PLCH1: variants seen among roughly 807,000 people sequenced by gnomAD.
PLCH1 encodes phospholipase C eta 1, also known as 1-phosphatidylinositol 4,5-bisphosphate phosphodiesterase eta-1.
A neutral mutation model predicts 126.7 loss-of-function variants in PLCH1; 60 were observed. That is an observed-to-expected ratio of 0.47 (90% CI 0.38 to 0.59). The LOEUF is 0.59. Among genes scored for constraint, PLCH1 ranks in the 20% least tolerant of loss-of-function variants. The probability of loss-of-function intolerance (pLI) is 0.00; values close to 1 mark genes in which losing one functional copy is unlikely to be tolerated. For missense variants in PLCH1, 1,723 were observed against 2,040.0 expected (o/e 0.84, Z 2.99); for synonymous variants, 719 against 734.9 (o/e 0.98, Z 0.35).
At chr3:155,539,888 T>C (rs1227662387) in intron 10 of PLCH1, among the ~76,000 whole-genome samples, 1 of 151,648 alleles carries the variant, frequency 6.6e-6, no homozygotes, top group African/African-American at 2.4e-5. Context: ...GGAAAAAAAA[T>C]CCTAAAATTC....
intron 2 of PLCH1, among the ~76,000 whole-genome samples, chr3:155,622,517 A>G (rs779853783): frequency 9.2e-5 from 14 of 152,148 alleles, no homozygotes; most frequent in Non-Finnish European, 1.3e-4. Flanking sequence ...CAGGAGACCC[A>G]TCTCACATGC....
chr3:155,740,687 A>G lies in PLCH1; in HGVS notation c.-41+4153T>C, dbSNP rs113284924. Among the ~76,000 whole-genome samples, 9 of 152,140 alleles carry G rather than the reference A, an allele frequency of 5.9e-5. 1 individual carries two copies. The highest frequency in any genetic ancestry group is 2.2e-4 in the African/African-American group (9 of 41,410). On this transcript the variant is annotated intron_variant, in intron 1 of 22. Coordinates refer to ENST00000460012, the MANE Select transcript of PLCH1 (RefSeq NM_014996.4). The stretch of plus-strand genomic sequence containing the variant: ...GCAACATAGTGAGACCTCATGTCTA[A>G]AATTAAAAATCGTATTTAAAAAATA...
chr3:155,684,697 G>A (rs765263635), intron 2 of PLCH1, among the ~76,000 whole-genome samples: 10 of 151,964 alleles, frequency 6.6e-5, no homozygotes, highest in Admixed American at 4.6e-4. Context: ...TGGCTCCTCC[G>A]GTAACAATTT....
intron 10 of PLCH1, among the ~76,000 whole-genome samples, chr3:155,540,515 A>T (rs1022216787): frequency 2.0e-5 from 3 of 152,194 alleles, no homozygotes; most frequent in African/African-American, 7.2e-5. Context: ...TAATATCTAC[A>T]ATCTACAAGG....
rs768535202 is a variant in PLCH1 at position 155,482,475 on chromosome 3, G to A, written c.3551C>T (p.Pro1184Leu). The A allele has an allele frequency of 3.6e-5, 58 of 1,614,018 alleles. No individual in the cohort carries two copies. The East Asian group carries it at 5.8e-4, about 16-fold the overall frequency. Residue 1184 changes from proline (P) to leucine (L), a missense_variant, in exon 23 of 23, where the codon CCG becomes CTG. By Grantham distance (98) the Pro-to-Leu change is moderately conservative. Coordinates refer to ENST00000460012, the MANE Select transcript of PLCH1 (RefSeq NM_014996.4). ...DNVTLTNENE[P>L]GSSISALIGQ... ...AATCAGGGCTGAGATGGAACTGCCC[G>A]GCTCATTCTCATTTGTTAAAGTGAC...
At position 155,583,584 on chromosome 3, in the gene PLCH1, T is replaced by TA; in HGVS notation, c.658dup (p.Tyr220LeufsTer19). The TA allele has an allele frequency of 6.2e-7, 1 of 1,603,752 alleles. No homozygotes were observed. The highest frequency in any genetic ancestry group is 8.5e-7 in the Non-Finnish European group (1 of 1,177,184). ...GTCTCGTCTCAAAGACATCATTTTG[T>TA]AAAAAACACAGAACTCTTCAAATGT... On this transcript the variant is annotated frameshift_variant, in exon 6 of 23. Coordinates refer to ENST00000460012, the MANE Select transcript of PLCH1 (RefSeq NM_014996.4). LOFTEE classifies it high-confidence loss of function.
intron 1 of PLCH1, among the ~76,000 whole-genome samples, chr3:155,727,683 C>T (rs1447313994): frequency 2.0e-5 from 3 of 152,160 alleles, no homozygotes; most frequent in Admixed American, 6.5e-5. Context: ...CCACCGAGCC[C>T]GGCCCAATGT....
intron 15 of PLCH1, among the ~76,000 whole-genome samples, chr3:155,495,736 G>A (rs757154358): frequency 1.3e-5 from 2 of 152,158 alleles, no homozygotes; most frequent in African/African-American, 2.4e-5. Flanking sequence ...TGATACTCCC[G>A]AGTTAGAAGA....
At chr3:155,667,967 C>T (rs1272473041) in intron 2 of PLCH1, among the ~76,000 whole-genome samples, 2 of 148,962 alleles carry the variant, frequency 1.3e-5, no homozygotes, top group African/African-American at 5.0e-5. Context: ...TGCCTGTAAT[C>T]CCAGCTACTC....
intron 2 of PLCH1, among the ~76,000 whole-genome samples, chr3:155,641,594 G>A (rs1211970283): frequency 2.0e-5 from 3 of 152,020 alleles, no homozygotes; most frequent in African/African-American, 7.2e-5. Flanking sequence ...AGTAGAATTG[G>A]AATGTTCCTA....
At chr3:155,518,667 C>T (rs1283315822) in intron 11 of PLCH1, among the ~76,000 whole-genome samples, 3 of 152,124 alleles carry the variant, frequency 2.0e-5, no homozygotes, top group East Asian at 1.9e-4. Context: ...AAGAACTCCA[C>T]GTCTCTAACC....
chr3:155,496,727 G>C (rs1340663266), intron 15 of PLCH1, among the ~76,000 whole-genome samples: 1 of 152,148 alleles, frequency 6.6e-6, no homozygotes, highest in Admixed American at 6.5e-5. Context: ...AAGGAGACAA[G>C]AGTAACTAGC....
At chr3:155,728,357 C>T (rs906245463) in intron 1 of PLCH1, among the ~76,000 whole-genome samples, 24 of 152,098 alleles carry the variant, frequency 1.6e-4, no homozygotes, top group Non-Finnish European at 3.2e-4. Flanking sequence ...ATATTTTTTT[C>T]GCACTTCCTA....
At chr3:155,742,987 C>T in intron 1 of PLCH1, 1 of 237,342 alleles carries the variant, frequency 4.2e-6, no homozygotes, top group Non-Finnish European at 8.4e-6. Context: ...ACACTTTATC[C>T]CAAGAAGAAT....
At chr3:155,540,910 G>T (rs1477574091) in intron 10 of PLCH1, among the ~76,000 whole-genome samples, 1 of 152,142 alleles carries the variant, frequency 6.6e-6, no homozygotes, top group Non-Finnish European at 1.5e-5. Context: ...AGGCAAAGAA[G>T]TCATTATATG....
chr3:155,554,543 TCAC>T lies in PLCH1; in HGVS notation c.1070-350_1070-348del, dbSNP rs945210755. 8.0e-4 allele frequency among the ~76,000 whole-genome samples: 80 copies of T among 100,584 alleles called. No homozygotes were observed. The South Asian group carries it at 9.1e-3, about 11-fold the overall frequency. 66.0% of individuals were successfully genotyped at this position (100,584 alleles called of 152,430 possible). A position where few individuals can be genotyped will look rare whatever the true frequency, so the allele number is the denominator to read the frequency against. Reference sequence around the variant, plus strand: ...TTCTTGAAAGGTCATTTACCCAATTTCACTTCTTCTTCTTCTTCTTCTTCAGGT... The same window carrying T: ...TTCTTGAAAGGTCATTTACCCAATTTTTCTTCTTCTTCTTCTTCTTCAGGT... On this transcript the variant is annotated intron_variant, in intron 8 of 22. Transcript: ENST00000460012.
At chr3:155,694,180 T>C (rs779404405) in intron 2 of PLCH1, among the ~76,000 whole-genome samples, 32 of 152,172 alleles carry the variant, frequency 2.1e-4, no homozygotes, top group Non-Finnish European at 4.1e-4. Flanking sequence ...ATTGGTCATA[T>C]TGTAGGTGGG....
At chr3:155,615,694 C>T (rs1577148455) in intron 2 of PLCH1, among the ~76,000 whole-genome samples, 1 of 152,012 alleles carries the variant, frequency 6.6e-6, no homozygotes, top group African/African-American at 2.4e-5. Context: ...TATGTTCTCA[C>T]TTACAAGTGG....
chr3:155,658,285 G>A, intron 2 of PLCH1: 1 of 212,262 alleles, frequency 4.7e-6, no homozygotes, highest in South Asian at 9.0e-5. Context: ...GCAGTGGCTT[G>A]TTACTTGTGA....
Sources: gnomAD v4.1 joint callset for allele counts (sites outside exome capture counted in the v4.1 genomes callset) on GRCh38, gnomAD v4.1.1 for gene constraint, MANE v1.5 for transcripts, NCBI Gene and HGNC (gene_info 2026-07-23, HGNC 2026-07-21) for gene names.